The following ZNF609 variants were observed in gnomAD, a reference collection of about 807,000 sequenced individuals.
ZNF609 encodes the protein zinc finger protein 609.
A neutral mutation model predicts 109.5 loss-of-function variants in ZNF609; 11 were observed. The observed-to-expected ratio is 0.10, with a 90% CI of 0.06 to 0.17. The LOEUF (loss-of-function observed/expected upper bound fraction) is 0.17, where lower values mean the gene tolerates loss of function less well. Among genes scored for constraint, ZNF609 ranks in the 10% least tolerant of loss-of-function variants. ZNF609 has a pLI of 1.00. For synonymous variants in ZNF609, 646 were observed against 662.0 expected (o/e 0.98, Z 0.37); for missense variants, 1,559 against 1,772.4 (o/e 0.88, Z 2.16).
intron 2 of ZNF609, chr15:64,529,478 C>T (rs771010830): frequency 6.7e-5 from 71 of 1,059,096 alleles, no homozygotes; most frequent in Non-Finnish European, 7.9e-5. Flanking sequence ...ACAAGCGTCC[C>T]GTTCTCAGCC....
chr15:64,465,457 C>CT (rs1423657190), intron 1 of ZNF609, among the ~76,000 whole-genome samples: 1 of 152,134 alleles, frequency 6.6e-6, no homozygotes, highest in Admixed American at 6.5e-5. Flanking sequence ...TCTCGGCTCA[C>CT]TGCAACCTCT....
At position 64,564,741 on chromosome 15, in the gene ZNF609, G is replaced by C. The variant is rs1028344287; in HGVS notation, c.748-58086G>C. 1.4e-4 allele frequency among the ~76,000 whole-genome samples: 22 copies of C among 151,948 alleles called. No individual in the cohort carries two copies. In the East Asian group the frequency reaches 3.3e-3, roughly 23 times the overall value. ...GTCTGGGTTTTATTAAACCAGATAC[G>C]TATAAGAGCATGTCAAATTTAACCA... On this transcript the variant is annotated intron_variant, in intron 2 of 9. Coordinates refer to ENST00000326648, the MANE Select transcript of ZNF609 (RefSeq NM_015042.2).
intron 1 of ZNF609, among the ~76,000 whole-genome samples, chr15:64,475,692 G>A (rs544289443): frequency 2.0e-5 from 3 of 152,096 alleles, no homozygotes; most frequent in Non-Finnish European, 4.4e-5. Context: ...CGCCCAGCCC[G>A]CATGTTGTCT....
Position 64,472,911 on chromosome 15 carries a change from C to T in ZNF609, c.-128+12073C>T, listed in dbSNP as rs1250805623. Among the ~76,000 whole-genome samples the T allele has an allele frequency of 5.9e-5, 9 of 152,056 alleles. No homozygotes were observed. In the East Asian group the frequency reaches 1.2e-3, roughly 19 times the overall value. On this transcript the variant is annotated intron_variant, in intron 1 of 9. Transcript: ENST00000326648. ...AATTTCAGCTACAAATTCTGAAATT[C>T]GGTGTAAAGCTCAGCATTTATCTGT...
intron 2 of ZNF609, among the ~76,000 whole-genome samples, chr15:64,516,404 C>A (rs759925404): frequency 3.9e-5 from 6 of 152,142 alleles, no homozygotes; most frequent in Admixed American, 3.9e-4. Context: ...CAGAGTCTTG[C>A]TCTGTTGCCC....
At chr15:64,594,130 C>T (rs935500243) in intron 2 of ZNF609, among the ~76,000 whole-genome samples, 1 of 152,176 alleles carries the variant, frequency 6.6e-6, no homozygotes, top group African/African-American at 2.4e-5. Context: ...TGATACTGAA[C>T]CCACTCCCAG....
At chr15:64,577,496 TATAC>T (rs1895012572) in intron 2 of ZNF609, among the ~76,000 whole-genome samples, 1 of 56,886 alleles carries the variant, frequency 1.8e-5, no homozygotes, top group African/African-American at 5.5e-5. Flanking sequence ...CATATAAATA[TATAC>T]ATATATATGT....
chr15:64,479,918 C>G (rs944708021), intron 1 of ZNF609, among the ~76,000 whole-genome samples: 1 of 151,348 alleles, frequency 6.6e-6, no homozygotes, highest in African/African-American at 2.4e-5. Context: ...GACTCTGTCT[C>G]AAATTTAAAA....
intron 2 of ZNF609, among the ~76,000 whole-genome samples, chr15:64,576,711 A>G (rs899207852): frequency 6.6e-6 from 1 of 151,190 alleles, no homozygotes; most frequent in South Asian, 2.1e-4. Flanking sequence ...GACTGAAGCG[A>G]ATGGATCACT....
intron 1 of ZNF609, among the ~76,000 whole-genome samples, chr15:64,463,685 G>A (rs185948291): frequency 6.6e-6 from 1 of 152,278 alleles, no homozygotes; most frequent in East Asian, 1.9e-4. Flanking sequence ...CTGCCACTGA[G>A]GTGTTGGGCC....
At chr15:64,564,683 G>A (rs1020591821) in intron 2 of ZNF609, among the ~76,000 whole-genome samples, 3 of 151,810 alleles carry the variant, frequency 2.0e-5, no homozygotes, top group African/African-American at 7.3e-5. Context: ...GTGAAGAGAA[G>A]TATAACCTAT....
chr15:64,660,266 C>A (rs951756932), intron 3 of ZNF609, among the ~76,000 whole-genome samples: 3 of 152,104 alleles, frequency 2.0e-5, no homozygotes, highest in African/African-American at 7.2e-5. Context: ...TTTTATCTGG[C>A]TCTCATTTAT....
In ZNF609 at chr15:64,492,040, G is replaced by A. The variant is rs149395125; in HGVS notation, c.-127-7253G>A. 7.2e-5 allele frequency among the ~76,000 whole-genome samples: 11 copies of A among 152,166 alleles called. No homozygotes were observed. The East Asian group carries it at 1.5e-3, about 21-fold the overall frequency. The stretch of plus-strand genomic sequence containing the variant: ...GCAGATCACCTGAGATCAGGAGTTC[G>A]AGACCAGCATGGCCAACATGGCGAA... On this transcript the variant is annotated intron_variant, in intron 1 of 9. Coordinates refer to ENST00000326648, the MANE Select transcript of ZNF609 (RefSeq NM_015042.2).
At chr15:64,473,769 C>G (rs531062547) in intron 1 of ZNF609, among the ~76,000 whole-genome samples, 2 of 151,958 alleles carry the variant, frequency 1.3e-5, no homozygotes, top group Non-Finnish European at 2.9e-5. Flanking sequence ...CTACGCCCAG[C>G]TAATTTTTGT....
At chr15:64,590,910 T>C (rs1034273692) in intron 2 of ZNF609, among the ~76,000 whole-genome samples, 2 of 152,142 alleles carry the variant, frequency 1.3e-5, no homozygotes, top group Non-Finnish European at 2.9e-5. Context: ...TAGAAAACTT[T>C]GTACATTTCT....
intron 2 of ZNF609, among the ~76,000 whole-genome samples, chr15:64,582,056 CA>C (rs1360636766): frequency 2.0e-5 from 3 of 152,096 alleles, no homozygotes; most frequent in Non-Finnish European, 4.4e-5. Context: ...GTTCCTTATC[CA>C]TGTCTCTCCC....
At chr15:64,582,169 A>G (rs1895114125) in intron 2 of ZNF609, among the ~76,000 whole-genome samples, 1 of 152,180 alleles carries the variant, frequency 6.6e-6, no homozygotes, top group African/African-American at 2.4e-5. Flanking sequence ...AGTTTGTTTA[A>G]ATATAGCCTT....
intron 3 of ZNF609, among the ~76,000 whole-genome samples, chr15:64,628,168 G>T (rs946741642): frequency 2.6e-5 from 4 of 151,926 alleles, no homozygotes; most frequent in East Asian, 3.9e-4. Context: ...AGGCACAGTG[G>T]CTTGTGCCTG....
chr15:64,526,859 AG>A (rs1893974274), intron 2 of ZNF609, among the ~76,000 whole-genome samples: 1 of 152,200 alleles, frequency 6.6e-6, no homozygotes, highest in South Asian at 2.1e-4. Context: ...CAGGCTGCCC[AG>A]TCTAGTCTCA....
Sources: allele counts gnomAD v4.1 joint callset (sites outside exome capture counted in the v4.1 genomes callset), GRCh38; gene constraint gnomAD v4.1.1; transcripts MANE v1.5; gene names NCBI Gene and HGNC (gene_info 2026-07-23, HGNC 2026-07-21).